Variants in ZNF407 observed in about 807,000 individuals in gnomAD.
ZNF407 encodes zinc finger protein 407.
In ZNF407, 17 loss-of-function variants were observed where a neutral mutation model predicts 131.2. That is an observed-to-expected ratio of 0.13 (90% CI 0.09 to 0.19). The LOEUF (loss-of-function observed/expected upper bound fraction) is 0.19. Among genes scored for constraint, ZNF407 ranks in the 10% least tolerant of loss-of-function variants. The pLI is 1.00. For synonymous variants in ZNF407, 1,156 were observed against 1,062.0 expected (o/e 1.09, Z -1.72); for missense variants, 2,681 against 2,830.6 (o/e 0.95, Z 1.20).
intron 6 of ZNF407, among the ~76,000 whole-genome samples, chr18:74,882,510 G>A (rs1971252363): frequency 6.6e-6 from 1 of 152,152 alleles, no homozygotes. Context: ...GGTACAGGTA[G>A]CTTCTGTGCC....
At position 74,912,259 on chromosome 18, in the gene ZNF407, C is replaced by T. The variant is rs528308721; in HGVS notation, c.5250-8255C>T. Among the ~76,000 whole-genome samples, 13 of 152,066 alleles carry T rather than the reference C, an allele frequency of 8.5e-5. No individual in the cohort carries two copies. The South Asian group carries it at 2.5e-3, about 29-fold the overall frequency. On this transcript the variant is annotated intron_variant, in intron 7 of 8. Coordinates refer to ENST00000299687, the MANE Select transcript of ZNF407 (RefSeq NM_017757.3). ...TAGTGATATTAATTTATTATTGGCC[C>T]GGTTCTCTCTAGTACTGTAGTTAAC...
At chr18:74,818,073 T>C (rs976938992) in intron 4 of ZNF407, among the ~76,000 whole-genome samples, 2 of 152,218 alleles carry the variant, frequency 1.3e-5, no homozygotes, top group Admixed American at 6.5e-5. Flanking sequence ...CAAGTGTAAA[T>C]GTGTTGCACT....
At position 74,910,843 on chromosome 18, in the gene ZNF407, G is replaced by A. The variant is rs116494277; in HGVS notation, c.5250-9671G>A. On this transcript the variant is annotated intron_variant, in intron 7 of 8. Transcript: ENST00000299687. ...CACTTTTAAATTAAACTTAATGAAC[G>A]GGTGGGCTTTCCTGTGACACAGCCG... 1.1e-3 allele frequency among the ~76,000 whole-genome samples: 171 copies of A among 152,120 alleles called. 1 individual carries two copies. The highest frequency in any genetic ancestry group is 3.8e-3 in the African/African-American group (156 of 41,476).
At chr18:74,676,041 AC>A (rs1195123907) in intron 3 of ZNF407, among the ~76,000 whole-genome samples, 8 of 152,206 alleles carry the variant, frequency 5.3e-5, no homozygotes, top group African/African-American at 1.9e-4. Flanking sequence ...AAGTTCTACT[AC>A]TTCTGAATCA....
At chr18:74,721,971 T>G (rs1199949187) in intron 3 of ZNF407, among the ~76,000 whole-genome samples, 1 of 152,204 alleles carries the variant, frequency 6.6e-6, no homozygotes, top group Admixed American at 6.5e-5. Context: ...CAGCTCTTAA[T>G]TGTATTTTTT....
chr18:74,722,064 G>GT (rs113844354), intron 3 of ZNF407, among the ~76,000 whole-genome samples: 12,810 of 142,098 alleles, frequency 0.09, 763 homozygotes, highest in African/African-American at 0.17. Context: ...GTCTTTGTCT[G>GT]TTTTTTTTTT....
At chr18:75,039,677 G>A (rs991362525) in intron 8 of ZNF407, among the ~76,000 whole-genome samples, 1 of 142,968 alleles carries the variant, frequency 7.0e-6, no homozygotes, top group Non-Finnish European at 1.5e-5. Context: ...TTTGAGTTTT[G>A]CAGATTATCT....
intron 4 of ZNF407, among the ~76,000 whole-genome samples, chr18:74,874,827 C>T (rs1030491007): frequency 2.0e-5 from 3 of 152,162 alleles, no homozygotes; most frequent in South Asian, 4.1e-4. Flanking sequence ...AAACCTGACT[C>T]CTCTCTTCGT....
At position 75,049,794 on chromosome 18, in the gene ZNF407, A is replaced by G. The variant is rs534991033; in HGVS notation, c.5429-13356A>G. Reference sequence around the variant, plus strand: ...CCAGTTATTTTTGTTTCTTTTCTCTATATTCATGGCTATTTGTCAATGTTT... The same window carrying G: ...CCAGTTATTTTTGTTTCTTTTCTCTGTATTCATGGCTATTTGTCAATGTTT... On this transcript the variant is annotated intron_variant, in intron 8 of 8. Transcript: ENST00000299687. Among the ~76,000 whole-genome samples the G allele has an allele frequency of 1.6e-3, 242 of 152,244 alleles. 1 individual carries two copies. Among genetic ancestry groups the G allele is most frequent in the Admixed American group, 3.5e-3 (53 of 15,296 alleles).
chr18:74,992,883 A>G (rs1207609994), intron 8 of ZNF407, among the ~76,000 whole-genome samples: 1 of 152,242 alleles, frequency 6.6e-6, no homozygotes, highest in East Asian at 1.9e-4. Context: ...GATGCTAATC[A>G]TCGCCAGTTT....
Position 75,063,374 on chromosome 18 carries a change from A to G in ZNF407, c.5653A>G (p.Thr1885Ala), listed in dbSNP as rs760191658. The G allele has an allele frequency of 2.5e-6, 4 of 1,610,520 alleles. No individual in the cohort carries two copies. Among genetic ancestry groups the G allele is most frequent in the East Asian group, 4.5e-5 (2 of 44,774 alleles). The change falls in exon 9 of 9, where the codon ACG (threonine) becomes GCG (alanine). Residue 1885 changes from threonine (T) to alanine (A), a missense_variant. By Grantham distance (58) the Thr-to-Ala change is moderately conservative. This residue lies in a region of ZNF407 where 620 missense variants were observed against 583.1 expected (regional missense o/e 1.06). Transcript: ENST00000299687. This position sits in a 1 kb window ranked among gnomAD's most constrained non-coding sequence, Gnocchi z 6.6. Reference protein sequence around the residue: ...EFALDPSVEETAAATLQTLAM... With the variant: ...EFALDPSVEEAAAATLQTLAM... ...TGCCCTGGACCCCTCGGTGGAGGAGACGGCCGCCGCCACGCTGCAGACGCT... is the reference window on the plus strand; with the variant it reads ...TGCCCTGGACCCCTCGGTGGAGGAGGCGGCCGCCGCCACGCTGCAGACGCT...
intron 3 of ZNF407, among the ~76,000 whole-genome samples, chr18:74,735,581 C>G (rs1968393918): frequency 6.6e-6 from 1 of 152,140 alleles, no homozygotes; most frequent in South Asian, 2.1e-4. Context: ...GAGGAGAGTG[C>G]CCAAGTTGTA....
At chr18:74,940,746 T>C (rs1025093949) in intron 8 of ZNF407, among the ~76,000 whole-genome samples, 1 of 152,150 alleles carries the variant, frequency 6.6e-6, no homozygotes, top group Non-Finnish European at 1.5e-5. Context: ...GCCTCTCTGC[T>C]CCTGTCTGCG....
intron 4 of ZNF407, among the ~76,000 whole-genome samples, chr18:74,836,793 C>T (rs1211063056): frequency 5.3e-5 from 8 of 152,306 alleles, no homozygotes; most frequent in Admixed American, 5.2e-4. Context: ...ATATCATTGT[C>T]ATCATGTGCT....
At chr18:74,629,614 A>G (rs1340245767) in intron 1 of ZNF407, among the ~76,000 whole-genome samples, 1 of 152,180 alleles carries the variant, frequency 6.6e-6, no homozygotes, top group African/African-American at 2.4e-5. Flanking sequence ...GTCCTGCATT[A>G]TAAGCATATT....
Position 74,866,001 on chromosome 18 carries a change from T to C in ZNF407, c.4878-11196T>C, listed in dbSNP as rs1192633268. On this transcript the variant is annotated intron_variant, in intron 4 of 8. Coordinates refer to ENST00000299687, the MANE Select transcript of ZNF407 (RefSeq NM_017757.3). ...ACTTATTCTCAGTTGCATCACAGTT[T>C]AACTTTAAAACCATAAAACTTGTTT... is the stretch of plus-strand genomic sequence containing the variant. 2.0e-5 allele frequency among the ~76,000 whole-genome samples: 3 copies of C among 152,362 alleles called. No individual in the cohort carries two copies. In the East Asian group the frequency reaches 5.8e-4, roughly 29 times the overall value.
intron 1 of ZNF407, among the ~76,000 whole-genome samples, chr18:74,615,891 T>A (rs2059671253): frequency 6.6e-6 from 1 of 151,952 alleles, no homozygotes; most frequent in Admixed American, 6.6e-5. Context: ...AAGATGGAGT[T>A]TCATTCTTTT....
At chr18:74,947,548 G>A (rs1423050722) in intron 8 of ZNF407, among the ~76,000 whole-genome samples, 2 of 152,182 alleles carry the variant, frequency 1.3e-5, no homozygotes, top group Admixed American at 1.3e-4. Context: ...TCAGGCTGCA[G>A]CAGCAAAATG....
chr18:74,880,908 T>G, intron 5 of ZNF407, 128 bp from the exon 6 acceptor site: 1 of 801,544 alleles, frequency 1.2e-6, no homozygotes, highest in Non-Finnish European at 2.1e-6. Context: ...AGTGGTAATT[T>G]CATTCCCATT....
Sources: gnomAD v4.1 joint callset for allele counts (sites outside exome capture counted in the v4.1 genomes callset) on GRCh38, gnomAD v4.1.1 for gene constraint, gnomAD v4.1.1 regional missense constraint, Gnocchi (gnomAD v3.1) non-coding constraint, MANE v1.5 for transcripts, NCBI Gene and HGNC (gene_info 2026-07-23, HGNC 2026-07-21) for gene names.